Variants in CFTR observed in about 807,000 individuals in gnomAD.
CFTR encodes CF transmembrane conductance regulator.
CFTR carries 181 observed loss-of-function variants against 171.6 expected under a neutral mutation model. That is an observed-to-expected ratio of 1.05 (90% CI 0.93 to 1.19). The LOEUF is 1.19. Ranked by LOEUF, CFTR falls within the 50% of genes most tolerant of loss-of-function variation. The pLI, the probability that CFTR is intolerant of heterozygous loss-of-function variation, is 0.00. For missense variants in CFTR, 1,968 were observed against 1,734.7 expected (o/e 1.13, Z -2.39); for synonymous variants, 583 against 608.0 (o/e 0.96, Z 0.60).
chr7:117,659,353 G>T (rs558542107), intron 24 of CFTR, among the ~76,000 whole-genome samples: 1 of 152,310 alleles, frequency 6.6e-6, no homozygotes, highest in Non-Finnish European at 1.5e-5. Flanking sequence ...GAAGTTCCTG[G>T]AGGTCAGGGA....
intron 11 of CFTR, among the ~76,000 whole-genome samples, chr7:117,581,284 G>C (rs1157399181): frequency 6.6e-6 from 1 of 152,086 alleles, no homozygotes; most frequent in African/African-American, 2.4e-5. Flanking sequence ...TGGGACTTGA[G>C]CTTCTGATTC....
At position 117,540,209 on chromosome 7, in the gene CFTR, C is replaced by T. The variant is rs1360839108; in HGVS notation, c.979C>T (p.Leu327=). ...VVFLSVLPYA[L]IKGIILRKIF... ...GTTTTTATCTGTGCTTCCCTATGCA[C>T]TAATCAAAGGAATCATCCTCCGGAA... Residue 327 remains leucine (L), a synonymous_variant, in exon 8 of 27, where the codon CTA becomes TTA. Transcript: ENST00000003084. 10 of 1,614,058 alleles carry T rather than the reference C, an allele frequency of 6.2e-6. No homozygotes were observed. Among genetic ancestry groups the T allele is most frequent in the Non-Finnish European group, 8.5e-6 (10 of 1,179,976 alleles).
At position 117,542,017 on chromosome 7, in the gene CFTR, A is replaced by T. The variant is rs1416245806; in HGVS notation, c.1118A>T (p.Asp373Val). Residue 373 changes from aspartate to valine, a missense_variant and splice_region_variant, in exon 9 of 27, where the codon GAT becomes GTT. Physicochemically the swap from Asp to Val is radical, Grantham distance 152 (BLOSUM62 -3). Transcript: ENST00000003084. ...GTTTTTGCTCTCTTTTATAAATAGG[A>T]TTTCTTACAAAAGCAAGAATATAAG... ...DSLGAINKIQ[D>V]FLQKQEYKTL... is the part of the protein sequence containing the mutation. 2 of 1,470,022 alleles carry T rather than the reference A, an allele frequency of 1.4e-6. No homozygotes were observed. Among genetic ancestry groups the T allele is most frequent in the East Asian group, 2.3e-5 (1 of 44,102 alleles). 91.1% of individuals were successfully genotyped at this position (1,470,022 alleles called of 1,614,324 possible).
chr7:117,541,944 A>G lies in CFTR; in HGVS notation c.1117-72A>G, dbSNP rs1345197447. 4 of 711,816 alleles carry G rather than the reference A, an allele frequency of 5.6e-6. 1 individual carries two copies. Among genetic ancestry groups the G allele is most frequent in the Non-Finnish European group, 1.0e-5 (4 of 386,350 alleles). 44.1% of individuals were successfully genotyped at this position (711,816 alleles called of 1,614,324 possible). A position where few individuals can be genotyped will look rare whatever the true frequency, so the allele number is the denominator to read the frequency against. On this transcript the variant is annotated intron_variant, in intron 8 of 26. Coordinates refer to ENST00000003084, the MANE Select transcript of CFTR (RefSeq NM_000492.4). The stretch of plus-strand genomic sequence containing the variant: ...ATATAAGATGTAGCACAATGAGAGT[A>G]TAAAGTAGATGTAATAATGCATTAA...
intron 26 of CFTR, among the ~76,000 whole-genome samples, chr7:117,665,880 A>T (rs1476416695): frequency 2.6e-5 from 4 of 152,354 alleles, no homozygotes; most frequent in African/African-American, 9.6e-5. Flanking sequence ...TTAAGATTTT[A>T]AAAAAGGTCC....
intron 18 of CFTR, 128 bp downstream of exon 18, chr7:117,606,881 T>C (rs1219554991): frequency 8.3e-6 from 6 of 720,370 alleles, no homozygotes; most frequent in Admixed American, 4.0e-5. Context: ...ATTAATTTTG[T>C]AATTATCCAA....
intron 22 of CFTR, chr7:117,627,982 A>G (rs901556491): frequency 2.0e-6 from 1 of 501,116 alleles, no homozygotes; most frequent in Non-Finnish European, 3.5e-6. Context: ...TTTATTTTAA[A>G]TGTGATTGTA....
In CFTR at chr7:117,665,679, G is replaced by T; in HGVS notation, c.4242+115G>T. The T allele has an allele frequency of 1.1e-5, 8 of 742,726 alleles. No homozygotes were observed. In the South Asian group the frequency reaches 1.2e-4, roughly 11 times the overall value. The allele number at this position is 742,726 out of a possible 1,614,324, so 46.0% of individuals were successfully genotyped here. A position where few individuals can be genotyped will look rare whatever the true frequency, so the allele number is the denominator to read the frequency against. On this transcript the variant is annotated intron_variant, in intron 26 of 26. Coordinates refer to ENST00000003084, the MANE Select transcript of CFTR (RefSeq NM_000492.4). Reference sequence around the variant, plus strand: ...ATGTACAAGTTCTTTTCAAAAATATGTATCATACAGCCATCCAGCTTTACT... The same window carrying T: ...ATGTACAAGTTCTTTTCAAAAATATTTATCATACAGCCATCCAGCTTTACT...
chr7:117,600,244 G>A (rs891324541), intron 15 of CFTR, among the ~76,000 whole-genome samples: 1 of 151,878 alleles, frequency 6.6e-6, no homozygotes, highest in Non-Finnish European at 1.5e-5. Flanking sequence ...AGTATCTTTT[G>A]TAAGTTCTTA....
rs755388239 is a variant in CFTR at position 117,592,251 on chromosome 7, A to G, written c.2084A>G (p.Glu695Gly). The G allele has an allele frequency of 6.2e-7, 1 of 1,613,828 alleles. No individual in the cohort carries two copies. The highest frequency in any genetic ancestry group is 8.5e-7 in the Non-Finnish European group (1 of 1,179,972). Residue 695 changes from glutamate (E) to glycine (G), a missense_variant, in exon 14 of 27, where the codon GAA (glutamate) becomes GGA (glycine). Coordinates refer to ENST00000003084, the MANE Select transcript of CFTR (RefSeq NM_000492.4). ...TTTAAACAGACTGGAGAGTTTGGGG[A>G]AAAAAGGAAGAATTCTATTCTCAAT... ...QSFKQTGEFG[E>G]KRKNSILNPI... is the part of the protein sequence containing the mutation.
chr7:117,667,194 A>G lies in CFTR; in HGVS notation c.*86A>G. 1 of 1,181,900 alleles carries G rather than the reference A, an allele frequency of 8.5e-7. No individual in the cohort carries two copies. Among genetic ancestry groups the G allele is most frequent in the Non-Finnish European group, 1.2e-6 (1 of 800,836 alleles). The allele number at this position is 1,181,900 out of a possible 1,614,324, so 73.2% of individuals were successfully genotyped here. On this transcript the variant is annotated 3_prime_UTR_variant, in exon 27 of 27. Transcript: ENST00000003084. ...CACCTCATGGAATTGGAGCTCGTGG[A>G]ACAGTTACCTCTGCCTCAGAAAACA... is the stretch of plus-strand genomic sequence containing the variant.
intron 5 of CFTR, 145 bp from the exon 6 acceptor site, chr7:117,535,103 G>T: frequency 1.2e-6 from 1 of 850,856 alleles, no homozygotes. Flanking sequence ...TCCATGTAAT[G>T]ATTACCTAGA....
intron 10 of CFTR, among the ~76,000 whole-genome samples, chr7:117,554,540 G>C (rs1251362154): frequency 6.6e-6 from 1 of 152,108 alleles, no homozygotes; most frequent in Non-Finnish European, 1.5e-5. Context: ...CTAGTTTCAA[G>C]GAAGAGGGGG....
chr7:117,548,841 C>G lies in CFTR; in HGVS notation c.1392+18C>G, dbSNP rs1799217515. ...CAGGCAAGGTAGTTCTTTTGTTCTT[C>G]ACTATTAAGAACTTAATTTGGTGTC... is the stretch of plus-strand genomic sequence containing the variant. On this transcript the variant is annotated intron_variant, in intron 10 of 26. Coordinates refer to ENST00000003084, the MANE Select transcript of CFTR (RefSeq NM_000492.4). 1.9e-6 allele frequency: 3 copies of G among 1,601,016 alleles called. No individual in the cohort carries two copies. The highest frequency in any genetic ancestry group is 2.6e-6 in the Non-Finnish European group (3 of 1,172,344).
rs1183816080 is a variant in CFTR, at chr7:117,603,679, AC to A, written c.2807del (p.Pro936HisfsTer6). 1 of 1,614,004 alleles carries A rather than the reference AC, an allele frequency of 6.2e-7. No homozygotes were observed. On this transcript the variant is annotated frameshift_variant, in exon 17 of 27. Coordinates refer to ENST00000003084, the MANE Select transcript of CFTR (RefSeq NM_000492.4). LOFTEE classifies it high-confidence loss of function. ...LLAMGFFRGL[P>X]LVHTLITVSK... ...TTGCTATGGGATTCTTCAGAGGTCTACCACTGGTGCATACTCTAATCACAGT... is the reference window on the plus strand; with the variant it reads ...TTGCTATGGGATTCTTCAGAGGTCTACACTGGTGCATACTCTAATCACAGT...
chr7:117,531,316 G>A (rs1798862476), intron 4 of CFTR, among the ~76,000 whole-genome samples: 1 of 151,660 alleles, frequency 6.6e-6, no homozygotes, highest in Non-Finnish European at 1.5e-5. Context: ...TAATTATTGA[G>A]TATCTTCTGT....
chr7:117,556,648 T>C (rs1459798229), intron 10 of CFTR, among the ~76,000 whole-genome samples: 1 of 146,172 alleles, frequency 6.8e-6, no homozygotes, highest in Admixed American at 6.9e-5. Context: ...GCCTCCCAAG[T>C]AGCTGGGACT....
chr7:117,539,886 T>G (rs1198605570), intron 7 of CFTR, among the ~76,000 whole-genome samples: 1 of 151,936 alleles, frequency 6.6e-6, no homozygotes, highest in Non-Finnish European at 1.5e-5. Flanking sequence ...AGCAAAACAC[T>G]GGTACTTTCA....
chr7:117,483,570 G>T (rs1471548426), intron 1 of CFTR, among the ~76,000 whole-genome samples: 1 of 151,918 alleles, frequency 6.6e-6, no homozygotes, highest in South Asian at 2.1e-4. Context: ...TTGTTTGTTT[G>T]TTTTTAAAAG....
Sources: gnomAD v4.1 joint callset for allele counts (sites outside exome capture counted in the v4.1 genomes callset) on GRCh38, gnomAD v4.1.1 for gene constraint, MANE v1.5 for transcripts, NCBI Gene and HGNC (gene_info 2026-07-23, HGNC 2026-07-21) for gene names.